The following RFTN1 variants were observed in gnomAD, a reference collection of about 807,000 sequenced individuals.
RFTN1 encodes the protein raftlin, lipid raft linker 1, also known as raftlin.
Under a neutral mutation model 46.5 loss-of-function variants are expected in RFTN1, and 26 were observed. The observed-to-expected ratio is 0.56, with a 90% CI of 0.41 to 0.78. The LOEUF is 0.78. Among genes scored for constraint, RFTN1 ranks in the 30% least tolerant of loss-of-function variants. The probability of loss-of-function intolerance (pLI) is 0.00; values close to 1 mark genes in which losing one functional copy is unlikely to be tolerated. For synonymous variants in RFTN1, 261 were observed against 284.2 expected (o/e 0.92, Z 0.82); for missense variants, 693 against 718.7 (o/e 0.96, Z 0.41).
intron 7 of RFTN1, among the ~76,000 whole-genome samples, chr3:16,332,667 G>A (rs370230352): frequency 6.6e-6 from 1 of 152,056 alleles, no homozygotes; most frequent in African/African-American, 2.4e-5. Flanking sequence ...GCTTTTCTTG[G>A]GTTCTGCAAG....
intron 2 of RFTN1, among the ~76,000 whole-genome samples, chr3:16,470,596 G>C (rs985599109): frequency 6.6e-6 from 1 of 152,250 alleles, no homozygotes; most frequent in African/African-American, 2.4e-5. Flanking sequence ...ATCTCTGGCA[G>C]ACTCCTGAAC....
Position 16,460,064 on chromosome 3 carries a change from G to A in RFTN1, c.146-26027C>T, listed in dbSNP as rs1025939945. ...ATTCTAAATTTTTATGAATTTTAGA[G>A]TTGATTCAGAAATTACAATGTGAAT... On this transcript the variant is annotated intron_variant, in intron 2 of 9. Coordinates refer to ENST00000334133, the MANE Select transcript of RFTN1 (RefSeq NM_015150.2). The surrounding 1 kb of genome is among the most constrained non-coding windows in gnomAD (Gnocchi z 4.8). Among the ~76,000 whole-genome samples, 6 of 152,100 alleles carry A rather than the reference G, an allele frequency of 3.9e-5. 1 individual carries two copies. Among genetic ancestry groups the A allele is most frequent in the Admixed American group, 3.9e-4 (6 of 15,284 alleles).
rs890869447 is a variant in RFTN1, at chr3:16,334,647, C to T, written c.1147-7771G>A. Among the ~76,000 whole-genome samples the T allele has an allele frequency of 1.3e-5, 2 of 152,052 alleles. No individual in the cohort carries two copies. Among genetic ancestry groups the T allele is most frequent in the East Asian group, 3.9e-4 (2 of 5,184 alleles). On this transcript the variant is annotated intron_variant, in intron 7 of 9. Coordinates refer to ENST00000334133, the MANE Select transcript of RFTN1 (RefSeq NM_015150.2). This position sits in a 1 kb window ranked among gnomAD's most constrained non-coding sequence, Gnocchi z 4.3. ...AGGGAATGAATTCTATTCTAGACAC[C>T]CTGAGTTTGAGGAACCTATGGAAAT... is the stretch of plus-strand genomic sequence containing the variant.
At chr3:16,510,949 C>T (rs535430252) in intron 1 of RFTN1, among the ~76,000 whole-genome samples, 8 of 152,184 alleles carry the variant, frequency 5.3e-5, no homozygotes, top group South Asian at 2.1e-4. Context: ...AGACATACTC[C>T]GGAACATAAG....
At chr3:16,430,676 A>G (rs1432732404) in intron 3 of RFTN1, among the ~76,000 whole-genome samples, 2 of 152,306 alleles carry the variant, frequency 1.3e-5, no homozygotes, top group Admixed American at 1.3e-4. Context: ...GCAGTTCCAA[A>G]GACTCAACAC....
In RFTN1 at chr3:16,344,330, G is replaced by GTT. The variant is rs11425499; in HGVS notation, c.1146+13600_1146+13601dup. Among the ~76,000 whole-genome samples the GTT allele has an allele frequency of 4.1e-4, 60 of 147,436 alleles. No individual in the cohort carries two copies. The highest frequency in any genetic ancestry group is 3.5e-3 in the Middle Eastern group (1 of 286). On this transcript the variant is annotated intron_variant, in intron 7 of 9. Transcript: ENST00000334133. This position sits in a 1 kb window ranked among gnomAD's most constrained non-coding sequence, Gnocchi z 4.4. ...GTGGATTAGATCAGTAATTTTCAAG[G>GTT]TTTTTTTTTTTTAATTAGTAGGATG...
rs765556831 is a variant in RFTN1 at position 16,447,443 on chromosome 3, T to G, written c.146-13406A>C. On this transcript the variant is annotated intron_variant, in intron 2 of 9. Transcript: ENST00000334133. This position sits in a 1 kb window ranked among gnomAD's most constrained non-coding sequence, Gnocchi z 5.9. Reference sequence around the variant, plus strand: ...CTCCGGCTCCATTAACCAATTTGCATGCAAAATCGACATCAGCACTCTCTG... The same window carrying G: ...CTCCGGCTCCATTAACCAATTTGCAGGCAAAATCGACATCAGCACTCTCTG... Among the ~76,000 whole-genome samples the G allele has an allele frequency of 6.6e-6, 1 of 152,220 alleles. No individual in the cohort carries two copies. The highest frequency in any genetic ancestry group is 1.5e-5 in the Non-Finnish European group (1 of 68,046).
At chr3:16,445,736 T>C (rs868016810) in intron 2 of RFTN1, among the ~76,000 whole-genome samples, 66 of 152,156 alleles carry the variant, frequency 4.3e-4, no homozygotes, top group African/African-American at 1.5e-3. Context: ...TTAAATAAAA[T>C]ATATTAATAT....
At position 16,317,180 on chromosome 3, in the gene RFTN1, G is replaced by C; in HGVS notation, c.1385C>G (p.Ser462Ter). The C allele has an allele frequency of 1.2e-6, 2 of 1,613,414 alleles. No individual in the cohort carries two copies. The highest frequency in any genetic ancestry group is 2.7e-5 in the African/African-American group (2 of 74,872). Reference protein sequence around the residue: ...EEMHNRQMRKSKGKLSARDKQ... With the variant: ...EEMHNRQMRK ...GTCTCTGGCACTGAGTTTACCTTTT[G>C]ATTTCCTCATCTGCCTGTTGTGCAT... is the stretch of plus-strand genomic sequence containing the variant. Residue 462 changes from serine (S) to a stop codon, truncating the protein, a stop_gained, in exon 10 of 10, where the codon TCA becomes TGA. Coordinates refer to ENST00000334133, the MANE Select transcript of RFTN1 (RefSeq NM_015150.2). LOFTEE classifies it low-confidence loss of function (END_TRUNC). The surrounding 1 kb of genome is among the most constrained non-coding windows in gnomAD (Gnocchi z 4.3).
chr3:16,337,849 G>T lies in RFTN1; in HGVS notation c.1147-10973C>A, dbSNP rs2071012674. ...TTCCTAATTTGTCACCACACTCAAG[G>T]CTGGCACACCTAGCCCTTATTTGCT... On this transcript the variant is annotated intron_variant, in intron 7 of 9. Coordinates refer to ENST00000334133, the MANE Select transcript of RFTN1 (RefSeq NM_015150.2). This position sits in a 1 kb window ranked among gnomAD's most constrained non-coding sequence, Gnocchi z 5.0. Among the ~76,000 whole-genome samples, 2 of 152,112 alleles carry T rather than the reference G, an allele frequency of 1.3e-5. No homozygotes were observed. Among genetic ancestry groups the T allele is most frequent in the South Asian group, 4.1e-4 (2 of 4,822 alleles).
chr3:16,493,663 C>A, intron 2 of RFTN1, 62 bp downstream of exon 2: 1,734 of 952,192 alleles, frequency 1.8e-3, no homozygotes, highest in Non-Finnish European at 2.4e-3. Context: ...GCACCCCCAT[C>A]CCCTGCAGGC....
rs2125184885 is a variant in RFTN1 at position 16,320,995 on chromosome 3, A to G, written c.1332+2381T>C. On this transcript the variant is annotated intron_variant, in intron 9 of 9. Transcript: ENST00000334133. The surrounding 1 kb of genome is among the most constrained non-coding windows in gnomAD (Gnocchi z 4.5). ...TTAGGAGATTAGAATAGCTGAGGCGAGTGATGGTAGAGAGAAGTGGAGGGA... is the reference window on the plus strand; with the variant it reads ...TTAGGAGATTAGAATAGCTGAGGCGGGTGATGGTAGAGAGAAGTGGAGGGA... Among the ~76,000 whole-genome samples, 1 of 152,316 alleles carries G rather than the reference A, an allele frequency of 6.6e-6. No individual in the cohort carries two copies.
At chr3:16,364,219 C>G (rs946240221) in intron 6 of RFTN1, among the ~76,000 whole-genome samples, 13 of 152,198 alleles carry the variant, frequency 8.5e-5, no homozygotes, top group Non-Finnish European at 1.8e-4. Context: ...CATTCTGATT[C>G]AGTGTTAGCT....
chr3:16,358,915 C>G (rs993834095), intron 6 of RFTN1, among the ~76,000 whole-genome samples: 1 of 151,286 alleles, frequency 6.6e-6, no homozygotes, highest in Non-Finnish European at 1.5e-5. Flanking sequence ...GGCTGTAATC[C>G]CAGCTACTTG....
At chr3:16,503,565 GC>G (rs2076749557) in intron 1 of RFTN1, among the ~76,000 whole-genome samples, 1 of 152,118 alleles carries the variant, frequency 6.6e-6, no homozygotes, top group African/African-American at 2.4e-5. Context: ...CCCACTCCTA[GC>G]CCTCTCCAAT....
At position 16,387,863 on chromosome 3, in the gene RFTN1, T is replaced by C. The variant is rs1457189749; in HGVS notation, c.442-9761A>G. 6.6e-6 allele frequency among the ~76,000 whole-genome samples: 1 copy of C among 151,886 alleles called. No individual in the cohort carries two copies. Among genetic ancestry groups the C allele is most frequent in the East Asian group, 1.9e-4 (1 of 5,162 alleles). ...GCCCTCACCACCCCATCCTCTCTGGTAGCTCATGCATTCCCCTCCTCCTGG... is the reference window on the plus strand; with the variant it reads ...GCCCTCACCACCCCATCCTCTCTGGCAGCTCATGCATTCCCCTCCTCCTGG... On this transcript the variant is annotated intron_variant, in intron 4 of 9. Transcript: ENST00000334133. The surrounding 1 kb of genome is among the most constrained non-coding windows in gnomAD (Gnocchi z 5.2).
chr3:16,503,076 C>T (rs1158215976), intron 1 of RFTN1, among the ~76,000 whole-genome samples: 1 of 152,076 alleles, frequency 6.6e-6, no homozygotes, highest in South Asian at 2.1e-4. Context: ...AAGAAGAAAA[C>T]ACTTGCTTAC....
rs2072817661 is a variant in RFTN1 at position 16,361,351 on chromosome 3, CA to C, written c.1031-3305del. 6.6e-6 allele frequency among the ~76,000 whole-genome samples: 1 copy of C among 152,108 alleles called. No individual in the cohort carries two copies. The highest frequency in any genetic ancestry group is 1.5e-5 in the Non-Finnish European group (1 of 68,010). ...CTGTAGTCACTAGAGATCTCACAAGCAGCAAGATAAAGTCCCTGCCTACATG... is the reference window on the plus strand; with the variant it reads ...CTGTAGTCACTAGAGATCTCACAAGCGCAAGATAAAGTCCCTGCCTACATG... On this transcript the variant is annotated intron_variant, in intron 6 of 9. Coordinates refer to ENST00000334133, the MANE Select transcript of RFTN1 (RefSeq NM_015150.2). The surrounding 1 kb of genome is among the most constrained non-coding windows in gnomAD (Gnocchi z 4.3).
chr3:16,430,933 C>G (rs62236351), intron 3 of RFTN1, among the ~76,000 whole-genome samples: 2,524 of 152,274 alleles, frequency 0.017, 31 homozygotes, highest in Non-Finnish European at 0.025. Context: ...AGTAAACAAC[C>G]CCTACTGAGC....
Sources: allele counts gnomAD v4.1 joint callset (sites outside exome capture counted in the v4.1 genomes callset), GRCh38; gene constraint gnomAD v4.1.1; non-coding constraint Gnocchi (gnomAD v3.1); transcripts MANE v1.5; gene names NCBI Gene and HGNC (gene_info 2026-07-23, HGNC 2026-07-21).